Variants in SPMIP10 observed in about 807,000 individuals in gnomAD.
SPMIP10 encodes sperm-associated microtubule inner protein 10.
At chr5:126,634,869 A>C in the SPMIP10 span, among the ~76,000 whole-genome samples, 1 of 152,162 alleles carries the variant, frequency 6.6e-6, no homozygotes, top group East Asian at 1.9e-4. Context: ...GCATCTAACA[A>C]CATTAAAAAA....
the SPMIP10 span, among the ~76,000 whole-genome samples, chr5:126,633,900 T>A: frequency 6.0e-5 from 9 of 150,622 alleles, no homozygotes; most frequent in South Asian, 1.3e-3. Context: ...CCCAAGCGAT[T>A]CTCCTGCCTC....
the SPMIP10 span, among the ~76,000 whole-genome samples, chr5:126,635,447 A>G: frequency 6.6e-6 from 1 of 152,188 alleles, no homozygotes; most frequent in East Asian, 1.9e-4. Flanking sequence ...CCCATTTTAT[A>G]TTTGAAAAAG....
chr5:126,634,927 C>T, the SPMIP10 span, among the ~76,000 whole-genome samples: 5 of 151,758 alleles, frequency 3.3e-5, no homozygotes, highest in African/African-American at 1.2e-4. Context: ...AATCTTAGCA[C>T]GTTGGGAGGC....
chr5:126,636,077 C>G, the SPMIP10 span: 2 of 1,614,074 alleles, frequency 1.2e-6, no homozygotes, highest in South Asian at 2.2e-5. Flanking sequence ...AGAAGACTCT[C>G]TGTTTTTGAA....
chr5:126,634,386 G>A, the SPMIP10 span, among the ~76,000 whole-genome samples: 23,341 of 152,060 alleles, frequency 0.15, 3,399 homozygotes, highest in African/African-American at 0.39. Flanking sequence ...GCCAGATCAC[G>A]CCACTGCACT....
chr5:126,632,235 C>CATGATA, the SPMIP10 span, among the ~76,000 whole-genome samples: 16,957 of 112,300 alleles, frequency 0.15, 2,421 homozygotes, highest in African/African-American at 0.38. Flanking sequence ...CCCAGCTGGG[C>CATGATA]ATGATAATGC....
chr5:126,635,129 C>T, the SPMIP10 span, among the ~76,000 whole-genome samples: 1 of 151,028 alleles, frequency 6.6e-6, no homozygotes, highest in African/African-American at 2.4e-5. Context: ...GATTGCACCA[C>T]TGCACTCCAG....
chr5:126,636,028 T>C, the SPMIP10 span: 1 of 1,610,326 alleles, frequency 6.2e-7, no homozygotes, highest in Non-Finnish European at 8.5e-7. Context: ...TTCTTTTCTC[T>C]TAGCAAGCAG....
At chr5:126,632,727 C>A in the SPMIP10 span, 2 of 889,872 alleles carry the variant, frequency 2.2e-6, no homozygotes, top group Non-Finnish European at 3.6e-6. Context: ...GTGACTTGTG[C>A]CAATAATCCT....
At chr5:126,632,258 T>TTAA in the SPMIP10 span, among the ~76,000 whole-genome samples, 2 of 57,190 alleles carry the variant, frequency 3.5e-5, no homozygotes, top group Non-Finnish European at 6.9e-5. Flanking sequence ...TCCATCTCAT[T>TTAA]AAAAAAAAAA....
At chr5:126,635,171 A>AATATATATATATATATATATATAT in the SPMIP10 span, among the ~76,000 whole-genome samples, 24 of 140,196 alleles carry the variant, frequency 1.7e-4, no homozygotes, top group East Asian at 2.5e-3. Context: ...CCGTCTGTGA[A>AATATATATATATATATATATATAT]ATATATATAT....
At chr5:126,633,612 G>C in the SPMIP10 span, among the ~76,000 whole-genome samples, 1 of 151,848 alleles carries the variant, frequency 6.6e-6, no homozygotes. Context: ...CTACTGCCTC[G>C]GCCTTCCAAA....
At chr5:126,631,826 G>A in the SPMIP10 span, 1 of 1,576,666 alleles carries the variant, frequency 6.3e-7, no homozygotes, top group Non-Finnish European at 8.7e-7. Context: ...AATAAGTAAG[G>A]ATTTATGGGA....
the SPMIP10 span, among the ~76,000 whole-genome samples, chr5:126,635,736 G>A: frequency 6.6e-6 from 1 of 151,878 alleles, no homozygotes; most frequent in Admixed American, 6.6e-5. Flanking sequence ...TGAAGTGCAG[G>A]GGTGTGATCA....
At chr5:126,635,971 T>C in the SPMIP10 span, 23 of 1,424,192 alleles carry the variant, frequency 1.6e-5, no homozygotes, top group South Asian at 2.7e-4. Context: ...GAAACTTCCT[T>C]CTTAATCTAA....
chr5:126,636,045 G>A, the SPMIP10 span: 1 of 1,613,544 alleles, frequency 6.2e-7, no homozygotes, highest in Non-Finnish European at 8.5e-7. Flanking sequence ...GCAGAAGTGT[G>A]TGGGATCCAT....
the SPMIP10 span, chr5:126,635,991 G>A: frequency 6.7e-7 from 1 of 1,482,078 alleles, no homozygotes; most frequent in Non-Finnish European, 9.4e-7. Flanking sequence ...ACAAGAAAAT[G>A]ATGTTTGATG....
the SPMIP10 span, among the ~76,000 whole-genome samples, chr5:126,634,113 A>C: frequency 6.6e-6 from 1 of 152,226 alleles, no homozygotes; most frequent in African/African-American, 2.4e-5. Context: ...AATAATTGAA[A>C]GCAGGGATTC....
At chr5:126,631,966 G>A in the SPMIP10 span, 9 of 601,642 alleles carry the variant, frequency 1.5e-5, no homozygotes, top group East Asian at 1.2e-4. Context: ...TGCAGGGAAA[G>A]CAAATCTGAC....
Sources: allele counts gnomAD v4.1 joint callset (sites outside exome capture counted in the v4.1 genomes callset), GRCh38; gene constraint gnomAD v4.1.1; transcripts MANE v1.5; gene names NCBI Gene and HGNC (gene_info 2026-07-23, HGNC 2026-07-21).